Variants in FER observed in about 807,000 individuals in gnomAD.
FER encodes the protein tyrosine-protein kinase Fer.
A neutral mutation model predicts 111.0 loss-of-function variants in FER; 63 were observed. That is an observed-to-expected ratio of 0.57 (90% CI 0.46 to 0.70). The LOEUF is 0.70. FER is among the 30% of genes least tolerant of loss of function. FER has a pLI of 0.00. For synonymous variants in FER, 327 were observed against 313.9 expected, an observed-to-expected ratio of 1.04 and a Z score of -0.44; for missense variants, 914 against 954.0, an observed-to-expected ratio of 0.96 and a Z score of 0.55.
chr5:109,057,204 C>T (rs1015841597), intron 16 of FER, among the ~76,000 whole-genome samples: 4 of 152,082 alleles, frequency 2.6e-5, no homozygotes, highest in Non-Finnish European at 5.9e-5. Flanking sequence ...AAGTAACAAC[C>T]TCAGCTTCTA....
chr5:108,951,272 A>T (rs115047710), intron 11 of FER, among the ~76,000 whole-genome samples: 2,092 of 152,136 alleles, frequency 0.014, 38 homozygotes, highest in Non-Finnish European at 0.018. Flanking sequence ...TCAAAAAAAT[A>T]AAAATAAAAA....
chr5:108,798,193 G>A lies in FER; in HGVS notation c.11G>A (p.Gly4Glu). ...CCAGTGCCTTACAAAATGGGGTTTG[G>A]GAGTGACCTGAAGAATTCACATGAA... MGF[G>E]SDLKNSHEAV... Residue 4 changes from glycine (G) to glutamate (E), a missense_variant, in exon 3 of 20, where the codon GGG (glycine) becomes GAG (glutamate). Gly to Glu is a moderately conservative substitution (Grantham distance 98). Coordinates refer to ENST00000281092, the MANE Select transcript of FER (RefSeq NM_005246.4). 6.2e-7 allele frequency: 1 copy of A among 1,613,960 alleles called. No individual in the cohort carries two copies. The highest frequency in any genetic ancestry group is 8.5e-7 in the Non-Finnish European group (1 of 1,179,958).
At position 108,881,423 on chromosome 5, in the gene FER, G is replaced by A. The variant is rs576323040; in HGVS notation, c.924-1973G>A. Among the ~76,000 whole-genome samples the A allele has an allele frequency of 1.6e-4, 24 of 152,194 alleles. No individual in the cohort carries two copies. The South Asian group carries it at 1.7e-3, about 11-fold the overall frequency. ...ACTTACTCACTATTGTGAAAAGAGC[G>A]TGAGAAAGACCTGCCCCCATGATTC... On this transcript the variant is annotated intron_variant, in intron 8 of 19. Transcript: ENST00000281092.
intron 10 of FER, among the ~76,000 whole-genome samples, chr5:108,931,333 G>A (rs911226029): frequency 3.3e-5 from 5 of 150,564 alleles, no homozygotes; most frequent in Admixed American, 6.6e-5. Flanking sequence ...TTTTTTTTCC[G>A]TGTATTTTAC....
At chr5:109,049,491 A>T (rs1772447688) in intron 16 of FER, among the ~76,000 whole-genome samples, 1 of 152,100 alleles carries the variant, frequency 6.6e-6, no homozygotes, top group African/African-American at 2.4e-5. Context: ...CAAAGTCAGC[A>T]CGGGCCTGCT....
chr5:108,893,925 A>G (rs1028011200), intron 9 of FER, among the ~76,000 whole-genome samples: 2 of 152,086 alleles, frequency 1.3e-5, no homozygotes, highest in South Asian at 4.1e-4. Context: ...TCACACTGCT[A>G]ATAAAGACAT....
At chr5:109,078,277 A>G (rs1442456280) in intron 16 of FER, among the ~76,000 whole-genome samples, 1 of 152,224 alleles carries the variant, frequency 6.6e-6, no homozygotes, top group Admixed American at 6.6e-5. Flanking sequence ...CACCAGTGGT[A>G]ATCTTAAAAA....
chr5:109,047,668 C>T (rs1183855051), intron 16 of FER, among the ~76,000 whole-genome samples: 2 of 152,160 alleles, frequency 1.3e-5, no homozygotes, highest in East Asian at 1.9e-4. Context: ...CTTCTGGGCT[C>T]ATGTGATTCT....
intron 10 of FER, among the ~76,000 whole-genome samples, chr5:108,905,447 G>C (rs1750621503): frequency 6.6e-6 from 1 of 152,136 alleles, no homozygotes; most frequent in Admixed American, 6.5e-5. Context: ...TAAAAGGAGA[G>C]AGAAGATAAA....
In FER at chr5:109,014,904, G is replaced by A. The variant is rs367946076; in HGVS notation, c.1657-22518G>A. On this transcript the variant is annotated intron_variant, in intron 13 of 19. Coordinates refer to ENST00000281092, the MANE Select transcript of FER (RefSeq NM_005246.4). ...GGGCCATGCTAATCTTCCCTGTATC[G>A]TTCCAATTTTAGTATATGTGCTGCT... 10 of 152,242 alleles carry A rather than the reference G, an allele frequency of 6.6e-5. No homozygotes were observed. The South Asian group carries it at 1.2e-3, about 19-fold the overall frequency. 9.4% of individuals were successfully genotyped at this position (152,242 alleles called of 1,614,324 possible).
chr5:109,051,939 C>T, intron 16 of FER: 1 of 1,584,776 alleles, frequency 6.3e-7, no homozygotes. Flanking sequence ...CATAGATGTA[C>T]CACTGGATCA....
chr5:109,134,358 C>T (rs1323015321), intron 17 of FER, among the ~76,000 whole-genome samples: 3 of 151,838 alleles, frequency 2.0e-5, no homozygotes, highest in Non-Finnish European at 4.4e-5. Flanking sequence ...AATTTAATTT[C>T]CTTTACAGTA....
chr5:108,902,022 T>C (rs1430187463), intron 10 of FER, among the ~76,000 whole-genome samples: 5 of 152,200 alleles, frequency 3.3e-5, no homozygotes, highest in African/African-American at 1.2e-4. Context: ...AGTTTTACCT[T>C]ATTTGCAAAG....
intron 17 of FER, among the ~76,000 whole-genome samples, chr5:109,109,908 A>G (rs894543601): frequency 3.3e-5 from 5 of 152,264 alleles, no homozygotes; most frequent in East Asian, 3.9e-4. Flanking sequence ...GTGTACTTAT[A>G]CATCTATGTA....
At chr5:108,974,963 ATG>A (rs1761142723) in intron 13 of FER, among the ~76,000 whole-genome samples, 1 of 152,182 alleles carries the variant, frequency 6.6e-6, no homozygotes. Flanking sequence ...ACACATGCAT[ATG>A]TGTGTTTATT....
At chr5:109,044,066 G>A (rs1431396494) in intron 14 of FER, among the ~76,000 whole-genome samples, 4 of 151,920 alleles carry the variant, frequency 2.6e-5, no homozygotes, top group Non-Finnish European at 5.9e-5. Context: ...CTCAAGAATA[G>A]CTGTTGTGCT....
rs533650725 is a variant in FER, at chr5:109,051,702, C to T, written c.1924+4504C>T. On this transcript the variant is annotated intron_variant, in intron 16 of 19. Coordinates refer to ENST00000281092, the MANE Select transcript of FER (RefSeq NM_005246.4). ...ACCCACAGTCTTTGGCGGGGCTCAG[C>T]GGGCCAGTGGTCGCATGGTAAGGGT... 31 of 1,568,794 alleles carry T rather than the reference C, an allele frequency of 2.0e-5. No individual in the cohort carries two copies. The East Asian group carries it at 2.5e-4, about 12-fold the overall frequency.
chr5:108,801,679 T>C (rs1461262070), intron 3 of FER, among the ~76,000 whole-genome samples: 1 of 152,232 alleles, frequency 6.6e-6, no homozygotes, highest in African/African-American at 2.4e-5. Flanking sequence ...TTTTCACAGT[T>C]GCATGGATAG....
chr5:108,888,525 T>G (rs1206603685), intron 9 of FER, among the ~76,000 whole-genome samples: 3 of 151,650 alleles, frequency 2.0e-5, no homozygotes, highest in Non-Finnish European at 4.4e-5. Flanking sequence ...ATGGAAAGAG[T>G]GTTCAGACAT....
Sources: allele counts gnomAD v4.1 joint callset (sites outside exome capture counted in the v4.1 genomes callset), GRCh38; gene constraint gnomAD v4.1.1; transcripts MANE v1.5; gene names NCBI Gene and HGNC (gene_info 2026-07-23, HGNC 2026-07-21).